ZBTB20: variants seen among roughly 807,000 people sequenced by gnomAD.
The protein encoded by ZBTB20 is zinc finger and BTB domain-containing protein 20.
In ZBTB20, 9 loss-of-function variants were observed where a neutral mutation model predicts 56.9. The observed-to-expected ratio is 0.16, with a 90% confidence interval of 0.10 to 0.28. The LOEUF is 0.28. Ranked by LOEUF, ZBTB20 falls within the 10% of genes least tolerant of loss-of-function variation. The pLI, the probability that ZBTB20 is intolerant of heterozygous loss-of-function variation, is 1.00. For missense variants in ZBTB20, 655 were observed against 1,003.0 expected, an observed-to-expected ratio of 0.65 and a Z score of 4.69; for synonymous variants, 417 against 420.7, an observed-to-expected ratio of 0.99 and a Z score of 0.11.
intron 5 of ZBTB20, among the ~76,000 whole-genome samples, chr3:114,766,018 T>C (rs1469309491): frequency 6.6e-6 from 1 of 152,112 alleles, no homozygotes; most frequent in East Asian, 1.9e-4. Flanking sequence ...ATACACAGCC[T>C]AATATGGATG....
intron 6 of ZBTB20, among the ~76,000 whole-genome samples, chr3:114,656,652 A>G (rs2060420812): frequency 1.3e-5 from 2 of 152,160 alleles, no homozygotes; most frequent in Admixed American, 1.3e-4. Flanking sequence ...TCTTCAAAAA[A>G]ATTTCAGGTA....
chr3:114,854,628 C>T (rs1308898355), intron 4 of ZBTB20, among the ~76,000 whole-genome samples: 1 of 152,170 alleles, frequency 6.6e-6, no homozygotes, highest in East Asian at 1.9e-4. Flanking sequence ...TGTTTTTGTG[C>T]TCATCACTTA....
intron 2 of ZBTB20, among the ~76,000 whole-genome samples, chr3:114,994,903 T>G (rs1341911798): frequency 2.6e-5 from 4 of 151,882 alleles, no homozygotes; most frequent in Admixed American, 6.6e-5. Flanking sequence ...TTGCTACGTT[T>G]CTCTTAAAAA....
chr3:114,982,588 T>C (rs1265605914), intron 2 of ZBTB20, among the ~76,000 whole-genome samples: 1 of 151,998 alleles, frequency 6.6e-6, no homozygotes, highest in Non-Finnish European at 1.5e-5. Context: ...ATTCATTCCA[T>C]TTAATTTTTA....
chr3:115,066,941 T>A (rs2082228367), intron 2 of ZBTB20, among the ~76,000 whole-genome samples: 2 of 152,206 alleles, frequency 1.3e-5, no homozygotes, highest in Non-Finnish European at 2.9e-5. Flanking sequence ...TTTACATTTA[T>A]ATTTATAATA....
intron 6 of ZBTB20, among the ~76,000 whole-genome samples, chr3:114,625,172 CG>C (rs1445255242): frequency 6.6e-6 from 1 of 151,782 alleles, no homozygotes; most frequent in Non-Finnish European, 1.5e-5. Context: ...AAAATGAAAG[CG>C]CCTCATCAGC....
chr3:114,628,495 T>A (rs1560058742), intron 6 of ZBTB20, among the ~76,000 whole-genome samples: 1 of 152,092 alleles, frequency 6.6e-6, no homozygotes, highest in Non-Finnish European at 1.5e-5. Context: ...TCTAACTACT[T>A]TTCCAATCAA....
chr3:114,852,504 T>C (rs986111253), intron 4 of ZBTB20, among the ~76,000 whole-genome samples: 5 of 152,026 alleles, frequency 3.3e-5, no homozygotes, highest in Non-Finnish European at 5.9e-5. Context: ...CCTCAGCTGA[T>C]CCACCCGCCG....
chr3:114,380,651 A>G (rs1240191324), intron 9 of ZBTB20, 126 bp downstream of exon 9: 6 of 1,362,252 alleles, frequency 4.4e-6, no homozygotes, highest in Admixed American at 6.1e-5. Flanking sequence ...TGGCTGCATA[A>G]AAAGACCCTG....
At chr3:114,859,156 C>CTT (rs2075376467) in intron 4 of ZBTB20, among the ~76,000 whole-genome samples, 1 of 496 alleles carries the variant, frequency 2.0e-3, no homozygotes, top group Non-Finnish European at 0.042. Flanking sequence ...AGAATTCTTC[C>CTT]TCTCCCTTCT....
At chr3:114,697,061 T>TAAAA (rs35130350) in intron 5 of ZBTB20, among the ~76,000 whole-genome samples, 1 of 110,820 alleles carries the variant, frequency 9.0e-6, no homozygotes, top group African/African-American at 3.5e-5. Context: ...TGTACTTTGT[T>TAAAA]AAAAAAAAAA....
At chr3:114,534,670 A>G (rs1234529477) in intron 6 of ZBTB20, among the ~76,000 whole-genome samples, 1 of 152,208 alleles carries the variant, frequency 6.6e-6, no homozygotes, top group Non-Finnish European at 1.5e-5. Flanking sequence ...TCTCCACCCC[A>G]AATTAACAGA....
chr3:114,762,487 G>A (rs2068508210), intron 5 of ZBTB20, among the ~76,000 whole-genome samples: 1 of 152,158 alleles, frequency 6.6e-6, no homozygotes, highest in Non-Finnish European at 1.5e-5. Flanking sequence ...TGATAAAGCT[G>A]GTTCTAGATG....
chr3:114,854,518 A>G (rs1401829162), intron 4 of ZBTB20, among the ~76,000 whole-genome samples: 1 of 152,068 alleles, frequency 6.6e-6, no homozygotes, highest in Non-Finnish European at 1.5e-5. Flanking sequence ...TTTCTTTGGT[A>G]TGTTTTCTGT....
intron 2 of ZBTB20, among the ~76,000 whole-genome samples, chr3:115,048,474 T>C (rs1359996851): frequency 6.6e-6 from 1 of 152,152 alleles, no homozygotes; most frequent in Non-Finnish European, 1.5e-5. Flanking sequence ...TGGGTTTATA[T>C]AATTTATACT....
intron 2 of ZBTB20, among the ~76,000 whole-genome samples, chr3:115,053,013 C>G (rs1325217686): frequency 6.6e-6 from 1 of 152,174 alleles, no homozygotes; most frequent in Admixed American, 6.5e-5. Flanking sequence ...AAAGGCTAAT[C>G]TGAATGCTGA....
intron 2 of ZBTB20, among the ~76,000 whole-genome samples, chr3:115,024,938 A>T (rs2080357647): frequency 6.6e-6 from 1 of 151,126 alleles, no homozygotes; most frequent in African/African-American, 2.4e-5. Flanking sequence ...AATTTGCCTT[A>T]TTCTTTCTTT....
chr3:114,359,770 T>G (rs1393173074), intron 10 of ZBTB20, among the ~76,000 whole-genome samples: 1 of 152,210 alleles, frequency 6.6e-6, no homozygotes, highest in Admixed American at 6.5e-5. Context: ...TAAAGAAGGA[T>G]CTGTATATTC....
intron 2 of ZBTB20, among the ~76,000 whole-genome samples, chr3:115,049,101 C>T (rs992480178): frequency 2.0e-5 from 3 of 152,088 alleles, no homozygotes; most frequent in African/African-American, 7.2e-5. Flanking sequence ...AATTCCTACT[C>T]ACCTTTTCAG....
Sources: allele counts gnomAD v4.1 joint callset (sites outside exome capture counted in the v4.1 genomes callset), GRCh38; gene constraint gnomAD v4.1.1; transcripts MANE v1.5; gene names NCBI Gene and HGNC (gene_info 2026-07-23, HGNC 2026-07-21).